Variants in OR52E4 observed in about 807,000 individuals in gnomAD.
OR52E4 encodes the protein olfactory receptor 52E4.
For missense variants in OR52E4, 444 were observed against 383.8 expected (o/e 1.16, Z -1.31); for synonymous variants, 169 against 137.4 (o/e 1.23, Z -1.61).
chr11:5,884,689 C>T lies in OR52E4; in HGVS notation c.397C>T (p.Gln133Ter), dbSNP rs1564991638. The change falls in exon 2 of 2, where the codon CAG (glutamine) becomes TAG (stop). Residue 133 changes from glutamine (Q) to a stop codon, truncating the protein, a stop_gained. Transcript: ENST00000641726. LOFTEE classifies it low-confidence loss of function (END_TRUNC). ...DRFVAICNPL[Q>*]YTMILTNKTI... Reference sequence around the variant, plus strand: ...CTTTGTTGCCATCTGCAACCCTCTCCAGTACACCATGATCCTCACCAATAA... The same window carrying T: ...CTTTGTTGCCATCTGCAACCCTCTCTAGTACACCATGATCCTCACCAATAA... The T allele has an allele frequency of 1.2e-6, 2 of 1,613,616 alleles. No individual in the cohort carries two copies. The highest frequency in any genetic ancestry group is 1.7e-6 in the Non-Finnish European group (2 of 1,179,750).
intron 1 of OR52E4, among the ~76,000 whole-genome samples, chr11:5,881,881 T>C (rs1164161417): frequency 1.3e-5 from 2 of 151,932 alleles, no homozygotes; most frequent in African/African-American, 4.8e-5. Context: ...AGCAAGTAAA[T>C]GGTTTAGCAG....
rs1310075499 is a variant in OR52E4, at chr11:5,885,991, GA to G, written c.*764del. 6.6e-6 allele frequency: 1 copy of G among 152,028 alleles called. No individual in the cohort carries two copies. The highest frequency in any genetic ancestry group is 1.5e-5 in the Non-Finnish European group (1 of 68,010). 9.4% of individuals were successfully genotyped at this position (152,028 alleles called of 1,614,324 possible). On this transcript the variant is annotated 3_prime_UTR_variant, in exon 2 of 2. Transcript: ENST00000641726. ...GAATATAAAGCAGGCAGAAAAATGT[GA>G]AAAGACTAGATGGGCCTAGCCTCCC...
In OR52E4 at chr11:5,886,588, T is replaced by G. The variant is rs1847047311; in HGVS notation, c.*1357T>G. ...CATTATAATTTATTAATCCTGTAGATCTCCAATATTTAGTCCTATTTTCAA... is the reference window on the plus strand; with the variant it reads ...CATTATAATTTATTAATCCTGTAGAGCTCCAATATTTAGTCCTATTTTCAA... On this transcript the variant is annotated 3_prime_UTR_variant, in exon 2 of 2. Coordinates refer to ENST00000641726, the MANE Select transcript of OR52E4 (RefSeq NM_001005165.2). 1 of 152,040 alleles carries G rather than the reference T, an allele frequency of 6.6e-6. No homozygotes were observed. Among genetic ancestry groups the G allele is most frequent in the African/African-American group, 2.4e-5 (1 of 41,418 alleles). The allele number at this position is 152,040 out of a possible 1,614,324, so 9.4% of individuals were successfully genotyped here.
In OR52E4 at chr11:5,884,424, T is replaced by C. The variant is rs139664781; in HGVS notation, c.132T>C (p.Asn44=). 1.2e-6 allele frequency: 2 copies of C among 1,613,372 alleles called. No homozygotes were observed. Among genetic ancestry groups the C allele is most frequent in the Non-Finnish European group, 1.7e-6 (2 of 1,179,614 alleles). ...TGTACCTGATTGCCATTGTGGGGAATATGACCATTCTCTTTGTGATCAAAA... is the reference window on the plus strand; with the variant it reads ...TGTACCTGATTGCCATTGTGGGGAACATGACCATTCTCTTTGTGATCAAAA... ...CIVYLIAIVG[N]MTILFVIKTE... Residue 44 remains asparagine (N), a synonymous_variant, in exon 2 of 2, where the codon AAT becomes AAC. Coordinates refer to ENST00000641726, the MANE Select transcript of OR52E4 (RefSeq NM_001005165.2).
At position 5,884,854 on chromosome 11, in the gene OR52E4, G is replaced by A. The variant is rs1392739139; in HGVS notation, c.562G>A (p.Gly188Arg). 23 of 1,613,376 alleles carry A rather than the reference G, an allele frequency of 1.4e-5. No homozygotes were observed. The highest frequency in any genetic ancestry group is 5.3e-5 in the African/African-American group (4 of 74,984). The change falls in exon 2 of 2, where the codon GGG becomes AGG. Residue 188 changes from glycine (G) to arginine (R), a missense_variant. Gly to Arg is a moderately radical substitution (Grantham distance 125, BLOSUM62 -2). Transcript: ENST00000641726. ...ATACTGTGAGCACAGGGGTCTGGCC[G>A]GGTTGGCCTGTGCACCCATTAAGAT... ...HTYCEHRGLA[G>R]LACAPIKINI...
chr11:5,883,462 T>C (rs569287100), intron 1 of OR52E4, among the ~76,000 whole-genome samples: 2 of 152,130 alleles, frequency 1.3e-5, no homozygotes, highest in East Asian at 3.9e-4. Context: ...GTACTAGGAA[T>C]CTTTGTCTCA....
At position 5,885,948 on chromosome 11, in the gene OR52E4, C is replaced by CTT. The variant is rs1160691676; in HGVS notation, c.*717_*718insTT. ...TCAATCTGGGTGGGCACCATCTAAT[C>CTT]AGCTGCCAACGCAGCTAGAATATAA... On this transcript the variant is annotated 3_prime_UTR_variant, in exon 2 of 2. Transcript: ENST00000641726. 6.6e-6 allele frequency: 1 copy of CTT among 152,078 alleles called. No homozygotes were observed. The highest frequency in any genetic ancestry group is 2.4e-5 in the African/African-American group (1 of 41,422). 9.4% of individuals were successfully genotyped at this position (152,078 alleles called of 1,614,324 possible). A position where few individuals can be genotyped will look rare whatever the true frequency, so the allele number is the denominator to read the frequency against.
At position 5,884,324 on chromosome 11, in the gene OR52E4, C is replaced by T; in HGVS notation, c.32C>T (p.Pro11Leu). The T allele has an allele frequency of 1.2e-6, 2 of 1,611,774 alleles. No individual in the cohort carries two copies. The highest frequency in any genetic ancestry group is 1.7e-6 in the Non-Finnish European group (2 of 1,178,712). Reference sequence around the variant, plus strand: ...TCTATCAATGACACCCACTTCTATCCCCCCTTCTTCCTCCTGCTAGGAATA... The same window carrying T: ...TCTATCAATGACACCCACTTCTATCTCCCCTTCTTCCTCCTGCTAGGAATA... MPSINDTHFY[P>L]PFFLLLGIPG... Residue 11 changes from proline to leucine, a missense_variant, in exon 2 of 2, where the codon CCC (proline) becomes CTC (leucine). Coordinates refer to ENST00000641726, the MANE Select transcript of OR52E4 (RefSeq NM_001005165.2).
In OR52E4 at chr11:5,885,225, A is replaced by G; in HGVS notation, c.933A>G (p.Lys311=). 1 of 1,573,070 alleles carries G rather than the reference A, an allele frequency of 6.4e-7. No homozygotes were observed. Among genetic ancestry groups the G allele is most frequent in the East Asian group, 2.3e-5 (1 of 44,416 alleles). Residue 311 remains lysine, a synonymous_variant, in exon 2 of 2, where the codon AAA becomes AAG. Coordinates refer to ENST00000641726, the MANE Select transcript of OR52E4 (RefSeq NM_001005165.2). The part of the protein sequence containing the change: ...REQIVKIFVQ[K]E ...AAATTGTGAAAATATTTGTACAGAA[A>G]GAATAATTCTGTATTAAAGTTTGGA...
At chr11:5,881,940 T>C (rs1846968500) in intron 1 of OR52E4, among the ~76,000 whole-genome samples, 1 of 152,070 alleles carries the variant, frequency 6.6e-6, no homozygotes, top group South Asian at 2.1e-4. Flanking sequence ...AAGACTTCTG[T>C]AATATTCTAC....
In OR52E4 at chr11:5,886,331, A is replaced by C. The variant is rs1847043758; in HGVS notation, c.*1100A>C. The C allele has an allele frequency of 6.6e-6, 1 of 151,994 alleles. No individual in the cohort carries two copies. The highest frequency in any genetic ancestry group is 1.5e-5 in the Non-Finnish European group (1 of 67,990). 9.4% of individuals were successfully genotyped at this position (151,994 alleles called of 1,614,324 possible). On this transcript the variant is annotated 3_prime_UTR_variant, in exon 2 of 2. Coordinates refer to ENST00000641726, the MANE Select transcript of OR52E4 (RefSeq NM_001005165.2). ...GTCTTTGTGAATTTAGGGATATGAG[A>C]GACTACAGTGTGGGTATTACGGAGA...
chr11:5,882,809 A>T (rs1846982220), intron 1 of OR52E4, among the ~76,000 whole-genome samples: 1 of 151,964 alleles, frequency 6.6e-6, no homozygotes. Flanking sequence ...AATGCTGAAC[A>T]ACTGGGAACC....
At chr11:5,884,116 T>G (rs963185659) in intron 1 of OR52E4, 103 bp from the exon 2 acceptor site, 36 of 578,396 alleles carry the variant, frequency 6.2e-5, no homozygotes, top group African/African-American at 6.0e-4. Flanking sequence ...TTGAGAGGCT[T>G]CCTCGATTAT....
intron 1 of OR52E4, among the ~76,000 whole-genome samples, chr11:5,882,893 C>G (rs1041473338): frequency 4.6e-5 from 7 of 152,150 alleles, no homozygotes; most frequent in Admixed American, 4.6e-4. Flanking sequence ...CAGCTATTCT[C>G]TTTGTAGAAA....
chr11:5,884,097 T>G, intron 1 of OR52E4, 122 bp from the exon 2 acceptor site: 1 of 539,988 alleles, frequency 1.9e-6, no homozygotes, highest in East Asian at 2.9e-5. Context: ...CTCAGAACAA[T>G]AATCTGTGTT....
At position 5,886,918 on chromosome 11, in the gene OR52E4, A is replaced by T. The variant is rs1405574948; in HGVS notation, c.*1687A>T. 6.6e-6 allele frequency: 1 copy of T among 152,108 alleles called. No homozygotes were observed. Among genetic ancestry groups the T allele is most frequent in the African/African-American group, 2.4e-5 (1 of 41,434 alleles). 9.4% of individuals were successfully genotyped at this position (152,108 alleles called of 1,614,324 possible). A position where few individuals can be genotyped will look rare whatever the true frequency, so the allele number is the denominator to read the frequency against. On this transcript the variant is annotated 3_prime_UTR_variant, in exon 2 of 2. Coordinates refer to ENST00000641726, the MANE Select transcript of OR52E4 (RefSeq NM_001005165.2). ...AACACTGGCTAAGCACAATTCCTGAATTCTATAGTATTTTGTAGATTTTCT... is the reference window on the plus strand; with the variant it reads ...AACACTGGCTAAGCACAATTCCTGATTTCTATAGTATTTTGTAGATTTTCT...
In OR52E4 at chr11:5,886,925, A is replaced by G. The variant is rs992985369; in HGVS notation, c.*1694A>G. 1 of 152,102 alleles carries G rather than the reference A, an allele frequency of 6.6e-6. No individual in the cohort carries two copies. The highest frequency in any genetic ancestry group is 1.5e-5 in the Non-Finnish European group (1 of 68,014). The allele number at this position is 152,102 out of a possible 1,614,324, so 9.4% of individuals were successfully genotyped here. ...GCTAAGCACAATTCCTGAATTCTAT[A>G]GTATTTTGTAGATTTTCTTTAGGTC... On this transcript the variant is annotated 3_prime_UTR_variant, in exon 2 of 2. Coordinates refer to ENST00000641726, the MANE Select transcript of OR52E4 (RefSeq NM_001005165.2).
Position 5,884,843 on chromosome 11 carries a change from G to C in OR52E4, c.551G>C (p.Arg184Thr), listed in dbSNP as rs4757986. Residue 184 changes from arginine (R) to threonine (T), a missense_variant, in exon 2 of 2, where the codon AGG (arginine) becomes ACG (threonine). Transcript: ENST00000641726. ...GTACCTCACACATACTGTGAGCACA[G>C]GGGTCTGGCCGGGTTGGCCTGTGCA... ...NIVPHTYCEHRGLAGLACAPI... is the reference protein window; with the variant it reads ...NIVPHTYCEHTGLAGLACAPI... 8.7e-6 allele frequency: 14 copies of C among 1,613,330 alleles called. No individual in the cohort carries two copies. Among genetic ancestry groups the C allele is most frequent in the Admixed American group, 1.7e-5 (1 of 59,870 alleles).
In OR52E4 at chr11:5,884,722, A is replaced by C. The variant is rs939354200; in HGVS notation, c.430A>C (p.Ser144Arg). Residue 144 changes from serine to arginine, a missense_variant, in exon 2 of 2, where the codon AGT becomes CGT. Transcript: ENST00000641726. ...YTMILTNKTI[S>R]ILASVVVGRN... ...CATGATCCTCACCAATAAAACCATC[A>C]GTATCCTAGCTTCTGTGGTTGTTGG... 1.2e-6 allele frequency: 2 copies of C among 1,613,618 alleles called. No homozygotes were observed. The highest frequency in any genetic ancestry group is 1.3e-5 in the African/African-American group (1 of 75,002).
Sources: gnomAD v4.1 joint callset for allele counts (sites outside exome capture counted in the v4.1 genomes callset) on GRCh38, gnomAD v4.1.1 for gene constraint, MANE v1.5 for transcripts, NCBI Gene and HGNC (gene_info 2026-07-23, HGNC 2026-07-21) for gene names.